Variants in ITFG1 observed in about 807,000 individuals in gnomAD.
The protein encoded by ITFG1 is T-cell immunomodulatory protein.
Under a neutral mutation model 81.8 loss-of-function variants are expected in ITFG1, and 34 were observed. That is an observed-to-expected ratio of 0.42 (90% CI 0.32 to 0.55). ITFG1 has a LOEUF of 0.55. Among genes scored for constraint, ITFG1 ranks in the 20% least tolerant of loss-of-function variants. ITFG1 has a pLI of 0.17. For missense variants in ITFG1, 672 were observed against 755.4 expected (o/e 0.89, Z 1.29); for synonymous variants, 285 against 270.6 (o/e 1.05, Z -0.52).
At chr16:47,367,015 T>G (rs1365820322) in intron 7 of ITFG1, among the ~76,000 whole-genome samples, 2 of 152,166 alleles carry the variant, frequency 1.3e-5, no homozygotes, top group Non-Finnish European at 2.9e-5. Context: ...CAGTCCAAAG[T>G]TTGGACCTCC....
chr16:47,260,596 T>C lies in ITFG1; in HGVS notation c.1170A>G (p.Leu390=), dbSNP rs1300657667. ...MFKVYWELTD[L]NQIKDAMVAT... ...CAACCATGGCATCCTTAATTTGATTTAGGTCTGTCAGCTCCCAGTAGACTT... is the reference window on the plus strand; with the variant it reads ...CAACCATGGCATCCTTAATTTGATTCAGGTCTGTCAGCTCCCAGTAGACTT... The change falls in exon 11 of 18, where the codon CTA becomes CTG. Residue 390 remains leucine (L), a synonymous_variant. Transcript: ENST00000320640. The C allele has an allele frequency of 6.2e-7, 1 of 1,614,172 alleles. No individual in the cohort carries two copies. The highest frequency in any genetic ancestry group is 8.5e-7 in the Non-Finnish European group (1 of 1,180,016).
At chr16:47,314,896 C>G (rs894924702) in intron 8 of ITFG1, among the ~76,000 whole-genome samples, 4 of 151,898 alleles carry the variant, frequency 2.6e-5, no homozygotes, top group South Asian at 4.2e-4. Context: ...AGCATACTTA[C>G]GTACTGAGAG....
chr16:47,266,526 A>G (rs925166888), intron 10 of ITFG1, among the ~76,000 whole-genome samples: 1 of 152,226 alleles, frequency 6.6e-6, no homozygotes, highest in East Asian at 1.9e-4. Context: ...CCAGACAGCT[A>G]TAATTTTTAG....
intron 10 of ITFG1, among the ~76,000 whole-genome samples, chr16:47,280,748 C>T (rs1457817962): frequency 6.6e-6 from 1 of 152,120 alleles, no homozygotes; most frequent in East Asian, 1.9e-4. Flanking sequence ...TTCAGTCTCA[C>T]CCCCTAATCG....
chr16:47,192,550 A>G (rs1013155610), intron 14 of ITFG1, among the ~76,000 whole-genome samples: 1 of 152,132 alleles, frequency 6.6e-6, no homozygotes, highest in Non-Finnish European at 1.5e-5. Context: ...GGGGAGGGTA[A>G]GTGTTTAATG....
At chr16:47,221,950 T>C (rs1965696995) in intron 13 of ITFG1, among the ~76,000 whole-genome samples, 1 of 152,218 alleles carries the variant, frequency 6.6e-6, no homozygotes, top group African/African-American at 2.4e-5. Context: ...TCATTTTTTA[T>C]TGCATCTATT....
chr16:47,404,030 G>C (rs1968697112), intron 6 of ITFG1, among the ~76,000 whole-genome samples: 1 of 152,068 alleles, frequency 6.6e-6, no homozygotes, highest in South Asian at 2.1e-4. Context: ...AATAATAATA[G>C]AAATAAAGTG....
intron 8 of ITFG1, among the ~76,000 whole-genome samples, chr16:47,330,740 A>G (rs1452355362): frequency 2.0e-5 from 3 of 152,174 alleles, no homozygotes; most frequent in Non-Finnish European, 2.9e-5. Context: ...ATCACTAATC[A>G]TCAGAGAAAT....
At chr16:47,242,208 A>G (rs1965943370) in intron 12 of ITFG1, among the ~76,000 whole-genome samples, 1 of 152,060 alleles carries the variant, frequency 6.6e-6, no homozygotes, top group Non-Finnish European at 1.5e-5. Flanking sequence ...ACTTTTTGTA[A>G]TATAACAGTA....
chr16:47,325,850 A>G (rs1208217887), intron 8 of ITFG1, among the ~76,000 whole-genome samples: 1 of 152,178 alleles, frequency 6.6e-6, no homozygotes, highest in Non-Finnish European at 1.5e-5. Context: ...CCAACCAAAA[A>G]AGGTCCAGGA....
chr16:47,325,942 C>G (rs1967532726), intron 8 of ITFG1, among the ~76,000 whole-genome samples: 1 of 151,998 alleles, frequency 6.6e-6, no homozygotes. Context: ...CCAATCAACA[C>G]AAAAAGAGGG....
chr16:47,172,187 A>G (rs1964970907), intron 14 of ITFG1, among the ~76,000 whole-genome samples: 1 of 152,158 alleles, frequency 6.6e-6, no homozygotes, highest in Non-Finnish European at 1.5e-5. Flanking sequence ...TAATATATTC[A>G]AAACATAATC....
intron 17 of ITFG1, among the ~76,000 whole-genome samples, chr16:47,156,208 G>A (rs891415695): frequency 2.0e-5 from 3 of 152,088 alleles, no homozygotes; most frequent in Non-Finnish European, 4.4e-5. Context: ...AGGCCAAGGA[G>A]GGCAGATAAC....
intron 14 of ITFG1, among the ~76,000 whole-genome samples, chr16:47,196,002 G>C (rs546841966): frequency 3.3e-4 from 51 of 152,250 alleles, no homozygotes; most frequent in Non-Finnish European, 6.0e-4. Context: ...ATACAGAATT[G>C]TAGGTTGGTG....
At chr16:47,290,618 A>G (rs980636310) in intron 10 of ITFG1, among the ~76,000 whole-genome samples, 2 of 152,170 alleles carry the variant, frequency 1.3e-5, no homozygotes, top group African/African-American at 4.8e-5. Flanking sequence ...AAATAAATGT[A>G]GCGATACCAG....
chr16:47,443,862 C>T (rs1359746384), intron 5 of ITFG1, among the ~76,000 whole-genome samples: 6 of 151,760 alleles, frequency 4.0e-5, no homozygotes, highest in African/African-American at 9.7e-5. Flanking sequence ...CAAATCTGCA[C>T]GTTGTGCACA....
In ITFG1 at chr16:47,155,715, C is replaced by A. The variant is rs752551452; in HGVS notation, c.*4G>T. The A allele has an allele frequency of 3.1e-6, 5 of 1,596,518 alleles. No homozygotes were observed. The highest frequency in any genetic ancestry group is 1.7e-4 in the Middle Eastern group (1 of 6,024). ...CCATTCCATTATGTAATATTAAAGGCAAGTCACATAGCATCAAAATGAAAC... is the reference window on the plus strand; with the variant it reads ...CCATTCCATTATGTAATATTAAAGGAAAGTCACATAGCATCAAAATGAAAC... On this transcript the variant is annotated 3_prime_UTR_variant, in exon 18 of 18. Transcript: ENST00000320640.
intron 5 of ITFG1, among the ~76,000 whole-genome samples, chr16:47,438,130 G>C (rs544821637): frequency 2.0e-5 from 3 of 152,214 alleles, no homozygotes; most frequent in Non-Finnish European, 2.9e-5. Context: ...CAGCGAGGCT[G>C]GGGTAGGGGC....
At chr16:47,158,628 G>A (rs1169042977) in intron 17 of ITFG1, among the ~76,000 whole-genome samples, 3 of 151,930 alleles carry the variant, frequency 2.0e-5, no homozygotes, top group African/African-American at 7.3e-5. Flanking sequence ...TATTACTACC[G>A]TACTGCATCA....
Sources: gnomAD v4.1 joint callset for allele counts (sites outside exome capture counted in the v4.1 genomes callset) on GRCh38, gnomAD v4.1.1 for gene constraint, MANE v1.5 for transcripts, NCBI Gene and HGNC (gene_info 2026-07-23, HGNC 2026-07-21) for gene names.